Variants in SNTB2 observed in about 807,000 individuals in gnomAD.
The protein encoded by SNTB2 is syntrophin beta 2.
SNTB2 carries 34 observed loss-of-function variants against 46.2 expected under a neutral mutation model. The observed-to-expected ratio is 0.74, with a 90% CI of 0.56 to 0.98. SNTB2 has a LOEUF of 0.98. Among genes scored for constraint, SNTB2 ranks in the 50% least tolerant of loss-of-function variants. The pLI is 0.00. For missense variants in SNTB2, 603 were observed against 731.4 expected, an observed-to-expected ratio of 0.82 and a Z score of 2.02; for synonymous variants, 290 against 312.6, an observed-to-expected ratio of 0.93 and a Z score of 0.76.
At position 69,258,605 on chromosome 16, in the gene SNTB2, C is replaced by CTTTTTTTTTT. The variant is rs67116274; in HGVS notation, c.795-1430_795-1421dup. ...TCTTCTGCTAATTTTCTTGTTCTTT[C>CTTTTTTTTTT]TTTTTTTTTTTTTTTTTTTTTTTTG... On this transcript the variant is annotated intron_variant, in intron 2 of 6. Transcript: ENST00000336278. Among the ~76,000 whole-genome samples the CTTTTTTTTTT allele has an allele frequency of 4.8e-3, 398 of 83,386 alleles. 1 individual carries two copies. Among genetic ancestry groups the CTTTTTTTTTT allele is most frequent in the East Asian group, 6.9e-3 (20 of 2,914 alleles). The allele number at this position is 83,386 out of a possible 152,430, so 54.7% of individuals were successfully genotyped here. A position where few individuals can be genotyped will look rare whatever the true frequency, so the allele number is the denominator to read the frequency against.
At chr16:69,220,708 T>A (rs989894571) in intron 1 of SNTB2, among the ~76,000 whole-genome samples, 7 of 151,964 alleles carry the variant, frequency 4.6e-5, no homozygotes, top group African/African-American at 1.7e-4. Context: ...TAAAAAAAAT[T>A]TTTTTTAGAG....
chr16:69,236,965 C>T (rs904794827), intron 1 of SNTB2, among the ~76,000 whole-genome samples: 2 of 152,090 alleles, frequency 1.3e-5, no homozygotes, highest in African/African-American at 4.8e-5. Flanking sequence ...GGTTTAGATC[C>T]TGGGTGGCGA....
chr16:69,307,838 A>C lies in SNTB2; in HGVS notation c.*6914A>C, dbSNP rs1965327323. On this transcript the variant is annotated 3_prime_UTR_variant, in exon 7 of 7. Coordinates refer to ENST00000336278, the MANE Select transcript of SNTB2 (RefSeq NM_006750.4). ...AACATTTAAAAAATAAAAATTAACAAAATTTCACTTATTCCAGGACACGCT... is the reference window on the plus strand; with the variant it reads ...AACATTTAAAAAATAAAAATTAACACAATTTCACTTATTCCAGGACACGCT... The C allele has an allele frequency of 6.6e-6, 1 of 152,206 alleles. No individual in the cohort carries two copies. The highest frequency in any genetic ancestry group is 2.4e-5 in the African/African-American group (1 of 41,458). The allele number at this position is 152,206 out of a possible 1,614,324, so 9.4% of individuals were successfully genotyped here. A position where few individuals can be genotyped will look rare whatever the true frequency, so the allele number is the denominator to read the frequency against.
In SNTB2 at chr16:69,187,393, G is replaced by C; in HGVS notation, c.227G>C (p.Gly76Ala). The change falls in exon 1 of 7, where the codon GGC (glycine) becomes GCC (alanine). Residue 76 changes from glycine (G) to alanine (A), a missense_variant. Physicochemically the swap from Gly to Ala is moderately conservative, Grantham distance 60. This residue lies in a region of SNTB2 where 537 missense variants were observed against 692.4 expected (regional missense o/e 0.78). Coordinates refer to ENST00000336278, the MANE Select transcript of SNTB2 (RefSeq NM_006750.4). Reference sequence around the variant, plus strand: ...GCCGCCTTCAACGGCCTCCCAAACGGCGGCGGCGCGGGCGACTCGCTGCCC... The same window carrying C: ...GCCGCCTTCAACGGCCTCCCAAACGCCGGCGGCGCGGGCGACTCGCTGCCC... ...AAAAFNGLPN[G>A]GGAGDSLPGS... The C allele has an allele frequency of 1.6e-6, 2 of 1,285,444 alleles. No homozygotes were observed. Among genetic ancestry groups the C allele is most frequent in the Non-Finnish European group, 2.0e-6 (2 of 1,021,046 alleles). 79.6% of individuals were successfully genotyped at this position (1,285,444 alleles called of 1,614,324 possible).
intron 2 of SNTB2, among the ~76,000 whole-genome samples, chr16:69,254,637 G>GA (rs1390898393): frequency 9.2e-5 from 14 of 152,150 alleles, no homozygotes; most frequent in Admixed American, 4.6e-4. Flanking sequence ...CACACATTGG[G>GA]AAGAAATCTT....
chr16:69,261,279 T>C (rs988817784), intron 3 of SNTB2, among the ~76,000 whole-genome samples: 8 of 152,144 alleles, frequency 5.3e-5, no homozygotes, highest in African/African-American at 1.9e-4. Flanking sequence ...TTCCCACTGG[T>C]TCCCACCTTC....
At chr16:69,197,423 C>T (rs1367076672) in intron 1 of SNTB2, among the ~76,000 whole-genome samples, 2 of 152,052 alleles carry the variant, frequency 1.3e-5, no homozygotes, top group African/African-American at 4.8e-5. Flanking sequence ...GATGAAATAG[C>T]CCATTTTCAA....
At chr16:69,225,009 T>A (rs1964445642) in intron 1 of SNTB2, among the ~76,000 whole-genome samples, 1 of 152,232 alleles carries the variant, frequency 6.6e-6, no homozygotes, top group Non-Finnish European at 1.5e-5. Flanking sequence ...TAGTATGTGT[T>A]ATGTAAGAAT....
chr16:69,297,405 G>A (rs1314480984), intron 5 of SNTB2, among the ~76,000 whole-genome samples: 1 of 150,262 alleles, frequency 6.7e-6, no homozygotes, highest in South Asian at 2.1e-4. Flanking sequence ...AGATCACAAG[G>A]TCAGGAGTTT....
intron 2 of SNTB2, among the ~76,000 whole-genome samples, chr16:69,250,395 T>A (rs1567407095): frequency 6.6e-6 from 1 of 152,222 alleles, no homozygotes; most frequent in Non-Finnish European, 1.5e-5. Flanking sequence ...AGCTACTTGT[T>A]TTCCACAAGC....
At chr16:69,244,058 G>A (rs1964644599) in intron 1 of SNTB2, among the ~76,000 whole-genome samples, 1 of 152,122 alleles carries the variant, frequency 6.6e-6, no homozygotes. Flanking sequence ...TTTAGTATGT[G>A]CCTGAAATTT....
chr16:69,291,356 C>A (rs898629821), intron 5 of SNTB2, among the ~76,000 whole-genome samples: 1 of 152,174 alleles, frequency 6.6e-6, no homozygotes, highest in African/African-American at 2.4e-5. Flanking sequence ...GCATAGAACT[C>A]TGCCATTAGG....
At chr16:69,268,348 C>T (rs1183994974) in intron 3 of SNTB2, among the ~76,000 whole-genome samples, 2 of 151,996 alleles carry the variant, frequency 1.3e-5, no homozygotes, top group African/African-American at 4.8e-5. Context: ...CCTGTAATCT[C>T]AGGTAGTTGG....
At chr16:69,263,076 C>G (rs1964850760) in intron 3 of SNTB2, among the ~76,000 whole-genome samples, 1 of 152,000 alleles carries the variant, frequency 6.6e-6, no homozygotes, top group African/African-American at 2.4e-5. Context: ...CTACCCCTTA[C>G]CTCAGCCTCT....
At chr16:69,232,123 C>T (rs1426286353) in intron 1 of SNTB2, among the ~76,000 whole-genome samples, 8 of 151,486 alleles carry the variant, frequency 5.3e-5, no homozygotes, top group Admixed American at 3.3e-4. Flanking sequence ...TCAAGTTAGA[C>T]TTCGATGAGG....
chr16:69,220,085 C>T (rs1473926616), intron 1 of SNTB2, among the ~76,000 whole-genome samples: 2 of 150,034 alleles, frequency 1.3e-5, no homozygotes, highest in African/African-American at 4.9e-5. Flanking sequence ...GTACCCATAA[C>T]TTACTTAAGC....
intron 1 of SNTB2, among the ~76,000 whole-genome samples, chr16:69,206,325 T>G (rs961420488): frequency 2.6e-5 from 4 of 152,246 alleles, no homozygotes; most frequent in African/African-American, 9.6e-5. Flanking sequence ...GCTTTTTGTT[T>G]AGCGATCATT....
chr16:69,244,228 A>T (rs1964646654), intron 1 of SNTB2, among the ~76,000 whole-genome samples: 2 of 152,216 alleles, frequency 1.3e-5, no homozygotes, highest in Non-Finnish European at 2.9e-5. Context: ...ATGAGCTATC[A>T]ACTATTAGGC....
In SNTB2 at chr16:69,309,034, A is replaced by T. The variant is rs929032070; in HGVS notation, c.*8110A>T. 3.9e-5 allele frequency: 6 copies of T among 152,320 alleles called. No homozygotes were observed. In the Admixed American group the frequency reaches 3.9e-4, roughly 10 times the overall value. 9.4% of individuals were successfully genotyped at this position (152,320 alleles called of 1,614,324 possible). ...CCTTTGTAACCTTTATACTGTAAAT[A>T]AAAAAGTTGCTTTAGTCACGTGGGT... On this transcript the variant is annotated 3_prime_UTR_variant, in exon 7 of 7. Transcript: ENST00000336278.
Sources: gnomAD v4.1 joint callset for allele counts (sites outside exome capture counted in the v4.1 genomes callset) on GRCh38, gnomAD v4.1.1 for gene constraint, gnomAD v4.1.1 regional missense constraint, MANE v1.5 for transcripts, NCBI Gene and HGNC (gene_info 2026-07-23, HGNC 2026-07-21) for gene names.